Variants in U2SURP observed in about 807,000 individuals in gnomAD.
U2SURP encodes the protein U2 snRNP associated SURP domain containing.
In U2SURP, 9 loss-of-function variants were observed where a neutral mutation model predicts 144.9. The ratio of observed to expected loss-of-function variants is 0.06; its 90% CI spans 0.04 to 0.11. The LOEUF (loss-of-function observed/expected upper bound fraction) is 0.11. Ranked by LOEUF, U2SURP falls within the 10% of genes least tolerant of loss-of-function variation. The pLI is 1.00. For synonymous variants in U2SURP, 408 were observed against 396.8 expected (o/e 1.03, Z -0.33); for missense variants, 724 against 1,226.7 (o/e 0.59, Z 6.12).
In U2SURP at chr3:143,021,330, C is replaced by G. The variant is rs1936621491; in HGVS notation, c.734-20C>G. The G allele has an allele frequency of 1.9e-6, 3 of 1,577,554 alleles. No individual in the cohort carries two copies. In the African/African-American group the frequency reaches 4.0e-5, roughly 21 times the overall value. On this transcript the variant is annotated intron_variant, in intron 8 of 27. Coordinates refer to ENST00000473835, the MANE Select transcript of U2SURP (RefSeq NM_001080415.2). ...CTGTATTATAAAAACTAATAATTGT[C>G]TTCTTTTCTCCCCTTTAAGTGGACG...
At chr3:143,003,491 A>C (rs1296683053) in intron 1 of U2SURP, among the ~76,000 whole-genome samples, 2 of 152,170 alleles carry the variant, frequency 1.3e-5, no homozygotes, top group African/African-American at 4.8e-5. Context: ...TATAAGGATC[A>C]AATGAGATAA....
At chr3:143,022,451 C>T (rs1326233675) in intron 10 of U2SURP, 46 bp from the exon 11 acceptor site, 6 of 1,415,998 alleles carry the variant, frequency 4.2e-6, no homozygotes, top group African/African-American at 1.4e-5. Flanking sequence ...ATAATTTTTT[C>T]TTTTCCCTTT....
At chr3:143,003,937 G>A (rs1054500294) in intron 1 of U2SURP, among the ~76,000 whole-genome samples, 2 of 152,034 alleles carry the variant, frequency 1.3e-5, no homozygotes, top group Non-Finnish European at 2.9e-5. Context: ...TGATCCACCC[G>A]CCTCAGCCTC....
intron 4 of U2SURP, among the ~76,000 whole-genome samples, chr3:143,015,794 TTTATATCAAGATTCTTCTGAGCTTTCC>T (rs1936344690): frequency 6.6e-6 from 1 of 152,080 alleles, no homozygotes; most frequent in African/African-American, 2.4e-5. Context: ...CTGAGCTTTC[TTTATATCAAGATTCTTCTGAGCTTTCC>T]TTAATGCCAC....
intron 16 of U2SURP, among the ~76,000 whole-genome samples, chr3:143,030,593 TCTATCC>T (rs1168241357): frequency 6.6e-6 from 1 of 152,230 alleles, no homozygotes; most frequent in African/African-American, 2.4e-5. Context: ...TTATCCATTC[TCTATCC>T]CATTGATCAA....
chr3:143,028,281 A>T, intron 14 of U2SURP, 59 bp from the exon 15 acceptor site: 2 of 1,483,900 alleles, frequency 1.3e-6, no homozygotes, highest in South Asian at 2.5e-5. Flanking sequence ...ATTTATATTT[A>T]ATTGAAGATA....
intron 13 of U2SURP, among the ~76,000 whole-genome samples, chr3:143,025,342 C>T (rs544415436): frequency 1.7e-4 from 26 of 152,032 alleles, no homozygotes; most frequent in Non-Finnish European, 3.5e-4. Context: ...TGCGTTTTGC[C>T]GAAAGTCTTC....
chr3:143,038,069 A>G (rs1464836913), intron 21 of U2SURP, 39 bp from the exon 22 acceptor site: 15 of 1,478,406 alleles, frequency 1.0e-5, no homozygotes, highest in Admixed American at 8.6e-5. Context: ...CGGGTCATCC[A>G]CTAGTAGTCA....
At chr3:143,020,756 G>A (rs1480444264) in intron 8 of U2SURP, 63 bp downstream of exon 8, 6 of 1,289,470 alleles carry the variant, frequency 4.7e-6, no homozygotes, top group South Asian at 1.3e-5. Context: ...CACCTTATCC[G>A]TGGCGGGTTA....
In U2SURP at chr3:143,007,069, A is replaced by G. The variant is rs534461791; in HGVS notation, c.46-3746A>G. Among the ~76,000 whole-genome samples the G allele has an allele frequency of 6.6e-5, 10 of 152,346 alleles. No homozygotes were observed. The South Asian group carries it at 2.1e-3, about 32-fold the overall frequency. On this transcript the variant is annotated intron_variant, in intron 1 of 27. Transcript: ENST00000473835. ...TAGTTTTGTTCTCAGCCAGCAAGCTATAGGGCAACAGGTAGTGTAGTTGGC... is the reference window on the plus strand; with the variant it reads ...TAGTTTTGTTCTCAGCCAGCAAGCTGTAGGGCAACAGGTAGTGTAGTTGGC...
chr3:143,021,704 G>T, intron 10 of U2SURP, 149 bp downstream of exon 10: 1 of 706,822 alleles, frequency 1.4e-6, no homozygotes, highest in Non-Finnish European at 2.3e-6. Context: ...GGCCCAGGTT[G>T]TCTTGCCACA....
At chr3:143,050,350 G>A (rs1489222703) in intron 24 of U2SURP, among the ~76,000 whole-genome samples, 1 of 152,224 alleles carries the variant, frequency 6.6e-6, no homozygotes, top group Non-Finnish European at 1.5e-5. Flanking sequence ...TGGGATTACA[G>A]GCGTGAGCCA....
intron 1 of U2SURP, among the ~76,000 whole-genome samples, chr3:143,005,632 G>T (rs1935794951): frequency 1.3e-5 from 2 of 152,176 alleles, no homozygotes; most frequent in Admixed American, 1.3e-4. Context: ...ATGCCTGTTG[G>T]TATGGTTTTA....
intron 6 of U2SURP, chr3:143,017,234 T>G: frequency 3.4e-6 from 1 of 296,706 alleles, no homozygotes; most frequent in Non-Finnish European, 6.1e-6. Flanking sequence ...AGTCAAAAAT[T>G]GACTATATTG....
At chr3:143,035,196 TA>T (rs1175362248) in intron 19 of U2SURP, among the ~76,000 whole-genome samples, 1 of 152,230 alleles carries the variant, frequency 6.6e-6, no homozygotes, top group African/African-American at 2.4e-5. Flanking sequence ...AAATATTGTT[TA>T]AAAATTATAA....
intron 10 of U2SURP, among the ~76,000 whole-genome samples, chr3:143,022,142 C>G (rs1157040315): frequency 6.6e-6 from 1 of 151,960 alleles, no homozygotes; most frequent in African/African-American, 2.4e-5. Context: ...ATGTACTAAC[C>G]ATGCCTGCTT....
intron 4 of U2SURP, among the ~76,000 whole-genome samples, chr3:143,014,981 A>G (rs996283591): frequency 6.6e-6 from 1 of 151,966 alleles, no homozygotes; most frequent in Admixed American, 6.6e-5. Context: ...GAGATTTGGG[A>G]TATATTCTTA....
At position 143,051,181 on chromosome 3, in the gene U2SURP, A is replaced by G. The variant is rs1560207247; in HGVS notation, c.2655+132A>G. 5.5e-6 allele frequency: 3 copies of G among 546,946 alleles called. No homozygotes were observed. In the East Asian group the frequency reaches 9.9e-5, roughly 18 times the overall value. 33.9% of individuals were successfully genotyped at this position (546,946 alleles called of 1,614,324 possible). A position where few individuals can be genotyped will look rare whatever the true frequency, so the allele number is the denominator to read the frequency against. ...AATTTTGAATACTAGTAGGGCAATC[A>G]GAAACATTTGAAATTTGATATTTTA... is the stretch of plus-strand genomic sequence containing the variant. On this transcript the variant is annotated intron_variant, in intron 25 of 27. Coordinates refer to ENST00000473835, the MANE Select transcript of U2SURP (RefSeq NM_001080415.2).
rs1347133339 is a variant in U2SURP at position 143,057,621 on chromosome 3, TATA to T, written c.*1176_*1178del. ...ATGTTGGTCATAATACTGCTATAAA[TATA>T]ATAAAGGGTTATGTAGAATTGAACT... On this transcript the variant is annotated 3_prime_UTR_variant, in exon 28 of 28. Transcript: ENST00000473835. 6.6e-6 allele frequency: 1 copy of T among 151,958 alleles called. No individual in the cohort carries two copies. Among genetic ancestry groups the T allele is most frequent in the African/African-American group, 2.4e-5 (1 of 41,418 alleles). 9.4% of individuals were successfully genotyped at this position (151,958 alleles called of 1,614,324 possible).
Sources: gnomAD v4.1 joint callset for allele counts (sites outside exome capture counted in the v4.1 genomes callset) on GRCh38, gnomAD v4.1.1 for gene constraint, MANE v1.5 for transcripts, NCBI Gene and HGNC (gene_info 2026-07-23, HGNC 2026-07-21) for gene names.